The following COL5A2 variants were observed in gnomAD, a reference collection of about 807,000 sequenced individuals.
The protein encoded by COL5A2 is collagen type V alpha 2 chain, also known as collagen alpha-2(V) chain.
COL5A2 carries 23 observed loss-of-function variants against 208.2 expected under a neutral mutation model. That is an observed-to-expected ratio of 0.11 (90% CI 0.08 to 0.16). The LOEUF (loss-of-function observed/expected upper bound fraction) is 0.16, where lower values mean the gene tolerates loss of function less well. Among genes scored for constraint, COL5A2 ranks in the 10% least tolerant of loss-of-function variants. The pLI is 1.00. For missense variants in COL5A2, 1,590 were observed against 1,956.4 expected (o/e 0.81, Z 3.53); for synonymous variants, 625 against 628.5 (o/e 0.99, Z 0.08).
chr2:189,311,571 C>T, the COL5A2 span: 5 of 1,244,230 alleles, frequency 4.0e-6, no homozygotes, highest in Non-Finnish European at 5.7e-6. Flanking sequence ...TAGTGGGCCT[C>T]CACCTCCCTC....
the COL5A2 span, among the ~76,000 whole-genome samples, chr2:189,323,942 TAAAACAGCATGATACTAGTACCA>T: frequency 1.3e-5 from 2 of 152,008 alleles, no homozygotes; most frequent in African/African-American, 2.4e-5. Context: ...CTACAGTAAC[TAAAACAGCATGATACTAGTACCA>T]AAACAGAGAT....
the COL5A2 span, among the ~76,000 whole-genome samples, chr2:189,317,907 A>T: frequency 6.6e-6 from 1 of 152,230 alleles, no homozygotes; most frequent in South Asian, 2.1e-4. Flanking sequence ...ACTGACCAAA[A>T]TATAGGAGCA....
Position 189,083,965 on chromosome 2 carries a change from A to G in COL5A2, c.852+19T>C. On this transcript the variant is annotated intron_variant, in intron 12 of 53. Transcript: ENST00000374866. The stretch of plus-strand genomic sequence containing the variant: ...TCTTTATTTTTCAAAGTTTGCCTTT[A>G]TGTTGAGTATAAACTTACCGGAGAT... 6.3e-7 allele frequency: 1 copy of G among 1,585,830 alleles called. No individual in the cohort carries two copies. Among genetic ancestry groups the G allele is most frequent in the African/African-American group, 1.3e-5 (1 of 74,450 alleles).
chr2:189,120,606 A>G (rs1431467597), intron 1 of COL5A2, among the ~76,000 whole-genome samples: 1 of 152,200 alleles, frequency 6.6e-6, no homozygotes, highest in African/African-American at 2.4e-5. Flanking sequence ...TGAGTATATC[A>G]TCTATTGATT....
chr2:189,239,617 T>C, the COL5A2 span, among the ~76,000 whole-genome samples: 1 of 89,254 alleles, frequency 1.1e-5, no homozygotes, highest in South Asian at 4.1e-4. Context: ...TGGGGACTGT[T>C]GTGGGGTGGG....
At chr2:189,199,492 CA>C (rs1311849459) in intron 1 of COL5A2, among the ~76,000 whole-genome samples, 1 of 151,748 alleles carries the variant, frequency 6.6e-6, no homozygotes, top group Non-Finnish European at 1.5e-5. Flanking sequence ...GGCACAAGGG[CA>C]AAAAAAGGCA....
At chr2:189,147,086 G>T (rs1688054130) in intron 1 of COL5A2, among the ~76,000 whole-genome samples, 1 of 152,096 alleles carries the variant, frequency 6.6e-6, no homozygotes, top group African/African-American at 2.4e-5. Flanking sequence ...TTGTATTATT[G>T]GGGTAATACT....
intron 47 of COL5A2, among the ~76,000 whole-genome samples, chr2:189,043,636 T>C (rs1685605845): frequency 2.0e-5 from 3 of 152,184 alleles, no homozygotes; most frequent in Admixed American, 1.3e-4. Context: ...CTACCATATA[T>C]AGATTCTTTT....
At chr2:189,369,638 T>G in the COL5A2 span, among the ~76,000 whole-genome samples, 1 of 152,156 alleles carries the variant, frequency 6.6e-6, no homozygotes, top group African/African-American at 2.4e-5. Flanking sequence ...AGAAGGACAT[T>G]TGTACTGATA....
chr2:189,400,557 G>A, the COL5A2 span, among the ~76,000 whole-genome samples: 2 of 152,112 alleles, frequency 1.3e-5, no homozygotes, highest in Admixed American at 6.6e-5. Context: ...TAAAGTCCAT[G>A]TTAACAGAAG....
chr2:189,398,420 T>C, the COL5A2 span, among the ~76,000 whole-genome samples: 1 of 152,158 alleles, frequency 6.6e-6, no homozygotes. Context: ...TGTCAATGCT[T>C]GCTTTATATA....
the COL5A2 span, among the ~76,000 whole-genome samples, chr2:189,402,899 T>A: frequency 1.5e-4 from 23 of 152,178 alleles, no homozygotes; most frequent in African/African-American, 5.3e-4. Context: ...TCAGGCTCCT[T>A]TTTGGTTCCA....
intron 14 of COL5A2, 89 bp downstream of exon 14, chr2:189,079,889 G>A (rs1467328357): frequency 9.1e-7 from 1 of 1,098,222 alleles, no homozygotes; most frequent in Non-Finnish European, 1.4e-6. Flanking sequence ...CTCTCCTGCT[G>A]AATTAAGGTG....
chr2:189,251,484 C>T, the COL5A2 span, among the ~76,000 whole-genome samples: 1 of 152,146 alleles, frequency 6.6e-6, no homozygotes, highest in Non-Finnish European at 1.5e-5. Flanking sequence ...TTCTAAAGAA[C>T]CATCGTGATG....
At chr2:189,370,991 T>G in the COL5A2 span, among the ~76,000 whole-genome samples, 1 of 152,270 alleles carries the variant, frequency 6.6e-6, no homozygotes, top group South Asian at 2.1e-4. Flanking sequence ...GGATCATGGG[T>G]GCAGATTCCT....
intron 1 of COL5A2, among the ~76,000 whole-genome samples, chr2:189,115,814 G>C (rs574165482): frequency 1.1e-3 from 168 of 152,178 alleles, no homozygotes; most frequent in Non-Finnish European, 1.5e-3. Flanking sequence ...TAAGGAACTA[G>C]TTCATTGATA....
chr2:189,183,288 T>G (rs1688806345), upstream of COL5A2, among the ~76,000 whole-genome samples: 1 of 152,168 alleles, frequency 6.6e-6, no homozygotes, highest in Non-Finnish European at 1.5e-5. Context: ...ACATACTCCT[T>G]TTATGCCTCC....
At chr2:189,049,874 A>G (rs906237835) in intron 43 of COL5A2, among the ~76,000 whole-genome samples, 5 of 152,192 alleles carry the variant, frequency 3.3e-5, no homozygotes, top group Non-Finnish European at 7.4e-5. Context: ...TCTGATAACA[A>G]TAAGACATCC....
the COL5A2 span, among the ~76,000 whole-genome samples, chr2:189,324,151 C>T: frequency 1.7e-4 from 26 of 152,164 alleles, no homozygotes; most frequent in Non-Finnish European, 2.9e-5. Context: ...CCCTTCCTTA[C>T]ACCTTATACA....
Sources: gnomAD v4.1 joint callset for allele counts (sites outside exome capture counted in the v4.1 genomes callset) on GRCh38, gnomAD v4.1.1 for gene constraint, MANE v1.5 for transcripts, NCBI Gene and HGNC (gene_info 2026-07-23, HGNC 2026-07-21) for gene names.